Variants in CCSER2 observed in about 807,000 individuals in gnomAD.
CCSER2 encodes the protein coiled-coil serine rich protein 2.
In CCSER2, 46 loss-of-function variants were observed where a neutral mutation model predicts 92.3. The observed-to-expected ratio is 0.50, with a 90% CI of 0.39 to 0.64. The LOEUF is 0.64. Ranked by LOEUF, CCSER2 falls within the 30% of genes least tolerant of loss-of-function variation. CCSER2 has a pLI of 0.00. For missense variants in CCSER2, 1,244 were observed against 1,238.9 expected, an observed-to-expected ratio of 1.00 and a Z score of -0.06; for synonymous variants, 433 against 431.4, an observed-to-expected ratio of 1.00 and a Z score of -0.04.
rs60243946 is a variant in CCSER2 at position 84,428,985 on chromosome 10, G to GTATATATA, written c.1868+3115_1868+3122dup. Among the ~76,000 whole-genome samples, 619 of 140,806 alleles carry GTATATATA rather than the reference G, an allele frequency of 4.4e-3. 8 individuals are homozygous for GTATATATA. The highest frequency in any genetic ancestry group is 0.015 in the African/African-American group (516 of 35,048). 92.4% of individuals were successfully genotyped at this position (140,806 alleles called of 152,430 possible). On this transcript the variant is annotated intron_variant, in intron 5 of 9. Coordinates refer to ENST00000372088, the MANE Select transcript of CCSER2 (RefSeq NM_001284240.2). ...GAAGATTTTTTTTGTGTGTGTATGT[G>GTATATATA]TATATATATATATATATATATATAT...
At chr10:84,439,333 A>T (rs1844384199) in intron 6 of CCSER2, among the ~76,000 whole-genome samples, 1 of 152,148 alleles carries the variant, frequency 6.6e-6, no homozygotes, top group South Asian at 2.1e-4. Context: ...ACAAGGTCAG[A>T]TGTATAGCAG....
At chr10:84,452,569 A>G (rs779849889) in intron 6 of CCSER2, among the ~76,000 whole-genome samples, 3 of 152,230 alleles carry the variant, frequency 2.0e-5, no homozygotes, top group Non-Finnish European at 2.9e-5. Context: ...TTCACCTAGT[A>G]AAGCAGTCCA....
intron 5 of CCSER2, among the ~76,000 whole-genome samples, chr10:84,429,458 T>G (rs1408637859): frequency 6.6e-6 from 1 of 152,124 alleles, no homozygotes; most frequent in Non-Finnish European, 1.5e-5. Flanking sequence ...TCTTAATTTC[T>G]CTTTTATTTT....
chr10:84,461,324 T>TGTAG (rs949744649), intron 6 of CCSER2, among the ~76,000 whole-genome samples: 2 of 152,230 alleles, frequency 1.3e-5, no homozygotes, highest in Non-Finnish European at 2.9e-5. Flanking sequence ...TTCTCAAATC[T>TGTAG]GTAGGTTTGT....
intron 6 of CCSER2, among the ~76,000 whole-genome samples, chr10:84,458,349 A>G (rs541920195): frequency 6.6e-6 from 1 of 152,292 alleles, no homozygotes; most frequent in Non-Finnish European, 1.5e-5. Flanking sequence ...GCCTTTGACC[A>G]TAAATGTGTG....
intron 1 of CCSER2, among the ~76,000 whole-genome samples, chr10:84,359,807 T>A (rs1163441259): frequency 6.6e-6 from 1 of 152,082 alleles, no homozygotes; most frequent in Non-Finnish European, 1.5e-5. Context: ...TTTACTTTTT[T>A]ATTTTTATTT....
chr10:84,346,262 C>G (rs562207469), intron 1 of CCSER2, among the ~76,000 whole-genome samples: 111 of 152,144 alleles, frequency 7.3e-4, no homozygotes, highest in African/African-American at 2.6e-3. Flanking sequence ...CGGGGTTTCT[C>G]TATGTTGGTC....
intron 1 of CCSER2, among the ~76,000 whole-genome samples, chr10:84,365,341 A>T (rs539430323): frequency 6.6e-6 from 1 of 152,228 alleles, no homozygotes; most frequent in African/African-American, 2.4e-5. Flanking sequence ...AATGAAGCAG[A>T]CTCACAATGT....
At chr10:84,453,879 C>A (rs900856928) in intron 6 of CCSER2, among the ~76,000 whole-genome samples, 1 of 152,096 alleles carries the variant, frequency 6.6e-6, no homozygotes, top group Non-Finnish European at 1.5e-5. Flanking sequence ...TACCCTGCTT[C>A]TCGTGTTACA....
chr10:84,392,713 A>C (rs1456074574), intron 3 of CCSER2, among the ~76,000 whole-genome samples: 1 of 152,164 alleles, frequency 6.6e-6, no homozygotes, highest in African/African-American at 2.4e-5. Context: ...TGAACAATGA[A>C]GCACCCTGTG....
At chr10:84,419,266 C>T (rs1843019588) in intron 4 of CCSER2, among the ~76,000 whole-genome samples, 1 of 151,666 alleles carries the variant, frequency 6.6e-6, no homozygotes, top group Non-Finnish European at 1.5e-5. Context: ...TTCTAAAGAA[C>T]TGCTTAGCTG....
intron 5 of CCSER2, among the ~76,000 whole-genome samples, chr10:84,432,071 G>T (rs1843802450): frequency 6.6e-6 from 1 of 151,992 alleles, no homozygotes; most frequent in African/African-American, 2.4e-5. Context: ...TCAGCATTTG[G>T]TACTATGCTT....
chr10:84,456,057 A>T (rs1340646763), intron 6 of CCSER2: 1 of 437,748 alleles, frequency 2.3e-6, no homozygotes, highest in Admixed American at 3.2e-5. Context: ...CAAAGCCTAG[A>T]TCGGGCTGGG....
Position 84,365,516 on chromosome 10 carries a change from T to C in CCSER2, c.-39-5498T>C, listed in dbSNP as rs12761263. 5.8e-3 allele frequency among the ~76,000 whole-genome samples: 880 copies of C among 152,350 alleles called. 5 individuals are homozygous for C. The highest frequency in any genetic ancestry group is 9.2e-3 in the Non-Finnish European group (629 of 68,028). On this transcript the variant is annotated intron_variant, in intron 1 of 9. Transcript: ENST00000372088. ...ATCTTAAGACCAAAGTTCAAGATGA[T>C]TGATGTGATTTGTGTTGCAATTATT...
chr10:84,425,743 A>C lies in CCSER2; in HGVS notation c.1718A>C (p.Asn573Thr). 6.2e-7 allele frequency: 1 copy of C among 1,610,186 alleles called. No homozygotes were observed. Among genetic ancestry groups the C allele is most frequent in the Non-Finnish European group, 8.5e-7 (1 of 1,177,792 alleles). Residue 573 changes from asparagine to threonine, a missense_variant, in exon 5 of 10, where the codon AAT becomes ACT. Coordinates refer to ENST00000372088, the MANE Select transcript of CCSER2 (RefSeq NM_001284240.2). Reference protein sequence around the residue: ...DAPLENVECDNMNRFDRPDRN... With the variant: ...DAPLENVECDTMNRFDRPDRN... Reference sequence around the variant, plus strand: ...TGAATCTGTCTAGTGGAGTGTGACAATATGAACCGCTTTGACCGACCAGAC... The same window carrying C: ...TGAATCTGTCTAGTGGAGTGTGACACTATGAACCGCTTTGACCGACCAGAC...
chr10:84,457,568 TTATATTTATATATTATATATAATTA>T (rs1473893953), intron 6 of CCSER2, among the ~76,000 whole-genome samples: 64,688 of 94,302 alleles, frequency 0.69, 23,201 homozygotes, highest in African/African-American at 0.71. Flanking sequence ...ATATATAAAT[TTATATTTATATATTATATATAATTA>T]TATATTTATA....
intron 9 of CCSER2, among the ~76,000 whole-genome samples, chr10:84,486,400 C>T (rs1381157840): frequency 3.9e-5 from 6 of 152,200 alleles, no homozygotes; most frequent in South Asian, 4.1e-4. Flanking sequence ...TCCTCTCCAG[C>T]ACCTGTTGTT....
chr10:84,381,041 G>A (rs1192512525), intron 3 of CCSER2, among the ~76,000 whole-genome samples: 1 of 152,066 alleles, frequency 6.6e-6, no homozygotes, highest in South Asian at 2.1e-4. Flanking sequence ...GTAATTGTAC[G>A]CACCTCCAGG....
At chr10:84,409,945 A>C (rs994107324) in intron 3 of CCSER2, among the ~76,000 whole-genome samples, 3 of 151,896 alleles carry the variant, frequency 2.0e-5, no homozygotes, top group Non-Finnish European at 4.4e-5. Context: ...GTCCCAGTGC[A>C]TGTTGTTCCC....
Sources: gnomAD v4.1 joint callset for allele counts (sites outside exome capture counted in the v4.1 genomes callset) on GRCh38, gnomAD v4.1.1 for gene constraint, MANE v1.5 for transcripts, NCBI Gene and HGNC (gene_info 2026-07-23, HGNC 2026-07-21) for gene names.